The following TRPM3 variants were observed in gnomAD, a reference collection of about 807,000 sequenced individuals.
TRPM3 encodes long transient receptor potential channel 3.
Under a neutral mutation model 181.2 loss-of-function variants are expected in TRPM3, and 77 were observed. The observed-to-expected ratio is 0.42, with a 90% confidence interval of 0.35 to 0.51. The LOEUF (loss-of-function observed/expected upper bound fraction) is 0.51. TRPM3 is among the 20% of genes least tolerant of loss of function. The probability of loss-of-function intolerance (pLI) is 0.01; values close to 1 mark genes in which losing one functional copy is unlikely to be tolerated. For synonymous variants in TRPM3, 745 were observed against 796.4 expected (o/e 0.94, Z 1.09); for missense variants, 1,759 against 2,196.7 (o/e 0.80, Z 3.98).
chr9:71,434,212 T>C (rs1003550223), intron 1 of TRPM3, among the ~76,000 whole-genome samples: 2 of 151,690 alleles, frequency 1.3e-5, no homozygotes, highest in Admixed American at 6.6e-5. Context: ...AATGTTTGTG[T>C]CCCCCCCAAA....
intron 1 of TRPM3, among the ~76,000 whole-genome samples, chr9:70,886,552 A>C (rs1252833021): frequency 6.6e-6 from 1 of 152,196 alleles, no homozygotes; most frequent in Admixed American, 6.5e-5. Flanking sequence ...AAAAAGAGAT[A>C]GGGTCAAGGG....
intron 22 of TRPM3, among the ~76,000 whole-genome samples, chr9:70,564,015 C>T (rs993430095): frequency 1.3e-5 from 2 of 152,098 alleles, no homozygotes; most frequent in East Asian, 1.9e-4. Flanking sequence ...AGAACATAGT[C>T]GCTAAGACTT....
At chr9:71,155,515 T>TATTTTATTTTATTTTATTTC (rs2075954444) in intron 1 of TRPM3, among the ~76,000 whole-genome samples, 2 of 149,480 alleles carry the variant, frequency 1.3e-5, no homozygotes, top group African/African-American at 2.5e-5. Flanking sequence ...TATTTTATTT[T>TATTTTATTTTATTTTATTTC]ATTTTATTTT....
At chr9:70,961,395 T>C (rs1366731908) in intron 1 of TRPM3, among the ~76,000 whole-genome samples, 2 of 152,156 alleles carry the variant, frequency 1.3e-5, no homozygotes, top group African/African-American at 4.8e-5. Context: ...CTGTTAAGTT[T>C]GCAGTCATTT....
chr9:70,692,075 T>TC (rs869095462), intron 8 of TRPM3, among the ~76,000 whole-genome samples: 1 of 152,102 alleles, frequency 6.6e-6, no homozygotes, highest in Non-Finnish European at 1.5e-5. Context: ...CTTTCTTTTT[T>TC]CCCCCCTGCC....
chr9:71,070,925 C>T (rs897173056), intron 1 of TRPM3, among the ~76,000 whole-genome samples: 2 of 152,112 alleles, frequency 1.3e-5, no homozygotes, highest in African/African-American at 4.8e-5. Flanking sequence ...TAAAAGATTT[C>T]TTATCAGCTC....
intron 1 of TRPM3, among the ~76,000 whole-genome samples, chr9:70,894,894 A>G (rs1291758347): frequency 6.6e-6 from 1 of 152,134 alleles, no homozygotes; most frequent in Non-Finnish European, 1.5e-5. Flanking sequence ...CTGAAGCCCT[A>G]CTGCTAAGAT....
At chr9:71,274,592 A>G (rs1420544338) in intron 1 of TRPM3, among the ~76,000 whole-genome samples, 1 of 152,194 alleles carries the variant, frequency 6.6e-6, no homozygotes, top group Non-Finnish European at 1.5e-5. Flanking sequence ...ATTTTCTGCA[A>G]ATAAATTCCT....
chr9:71,149,903 T>C (rs952696791), intron 1 of TRPM3, among the ~76,000 whole-genome samples: 2 of 152,104 alleles, frequency 1.3e-5, no homozygotes, highest in South Asian at 4.2e-4. Flanking sequence ...GTCAAAACTG[T>C]AGTGAGCTGA....
intron 1 of TRPM3, among the ~76,000 whole-genome samples, chr9:70,952,349 T>C (rs764414444): frequency 2.0e-5 from 3 of 152,198 alleles, no homozygotes; most frequent in African/African-American, 7.2e-5. Context: ...ACTTTGGTAA[T>C]GACCAAAAAG....
chr9:70,546,143 G>C (rs148883024), intron 25 of TRPM3, among the ~76,000 whole-genome samples: 1 of 152,170 alleles, frequency 6.6e-6, no homozygotes, highest in African/African-American at 2.4e-5. Context: ...TAAGATGCCA[G>C]GATTTTATAT....
At chr9:70,599,358 A>G (rs1425056269) in intron 20 of TRPM3, among the ~76,000 whole-genome samples, 2 of 152,210 alleles carry the variant, frequency 1.3e-5, no homozygotes, top group East Asian at 1.9e-4. Context: ...TTGTTCAATT[A>G]TAGATAAATT....
At chr9:71,102,573 T>C (rs1330760426) in intron 1 of TRPM3, among the ~76,000 whole-genome samples, 1 of 152,186 alleles carries the variant, frequency 6.6e-6, no homozygotes, top group Admixed American at 6.6e-5. Context: ...CTTCTGCACA[T>C]ACTCTTTCCT....
intron 1 of TRPM3, among the ~76,000 whole-genome samples, chr9:71,112,363 C>G (rs1188656332): frequency 6.6e-6 from 1 of 152,110 alleles, no homozygotes; most frequent in African/African-American, 2.4e-5. Context: ...CTGGTGCTAC[C>G]TACAAAGATT....
intron 12 of TRPM3, among the ~76,000 whole-genome samples, 176 bp downstream of exon 12, chr9:70,635,035 A>G (rs1375231052): frequency 2.0e-5 from 3 of 149,138 alleles, no homozygotes; most frequent in Non-Finnish European, 4.4e-5. Flanking sequence ...CATCATGAAC[A>G]GAAGCATCAG....
At chr9:70,779,219 C>T (rs891146545) in intron 7 of TRPM3, among the ~76,000 whole-genome samples, 4 of 152,086 alleles carry the variant, frequency 2.6e-5, no homozygotes, top group Non-Finnish European at 5.9e-5. Context: ...CACACAAAAA[C>T]GTGAACAGTC....
At chr9:71,342,896 A>G (rs907737392) in intron 1 of TRPM3, among the ~76,000 whole-genome samples, 1 of 152,152 alleles carries the variant, frequency 6.6e-6, no homozygotes, top group African/African-American at 2.4e-5. Context: ...GATAAAAAGA[A>G]ATAAGCTATC....
chr9:70,948,263 A>G (rs1278611213), intron 1 of TRPM3, among the ~76,000 whole-genome samples: 3 of 149,130 alleles, frequency 2.0e-5, no homozygotes, highest in African/African-American at 7.8e-5. Context: ...TTCTTCCTTA[A>G]GAACCCCTTC....
At chr9:70,762,032 C>T (rs2078241135) in intron 7 of TRPM3, among the ~76,000 whole-genome samples, 2 of 152,028 alleles carry the variant, frequency 1.3e-5, no homozygotes, top group South Asian at 2.1e-4. Flanking sequence ...CAAAAATTAC[C>T]TTCAATTAAC....
Sources: gnomAD v4.1 joint callset for allele counts (sites outside exome capture counted in the v4.1 genomes callset) on GRCh38, gnomAD v4.1.1 for gene constraint, MANE v1.5 for transcripts, NCBI Gene and HGNC (gene_info 2026-07-23, HGNC 2026-07-21) for gene names.